Variants in KLF1 observed in about 807,000 individuals in gnomAD.
The protein encoded by KLF1 is KLF transcription factor 1, also known as Krueppel-like factor 1.
In KLF1, 29 loss-of-function variants were observed where a neutral mutation model predicts 28.0. That is an observed-to-expected ratio of 1.04 (90% CI 0.77 to 1.41). The LOEUF (loss-of-function observed/expected upper bound fraction) is 1.41, where lower values mean the gene tolerates loss of function less well. KLF1 is among the 40% of genes most tolerant of loss of function. KLF1 has a pLI of 0.00. For missense variants in KLF1, 508 were observed against 515.1 expected (o/e 0.99, Z 0.13); for synonymous variants, 262 against 242.6 (o/e 1.08, Z -0.74).
rs1356412684 is a variant in KLF1, at chr19:12,885,531, G to C, written c.699C>G (p.Pro233=). The C allele has an allele frequency of 3.8e-6, 6 of 1,584,590 alleles. No individual in the cohort carries two copies. The change falls in exon 2 of 3, where the codon CCC becomes CCG. Residue 233 remains proline (P), a synonymous_variant. Transcript: ENST00000264834. The surrounding 1 kb of genome is among the most constrained non-coding windows in gnomAD (Gnocchi z 5.6). ...QGPAPGPATS[P]SFLSCLGPGT... ...CGGGTCCCAAACAACTCAGGAAGGAGGGGGACGTGGCGGGACCGGGCGCGG... is the reference window on the plus strand; with the variant it reads ...CGGGTCCCAAACAACTCAGGAAGGACGGGGACGTGGCGGGACCGGGCGCGG...
rs916441209 is a variant in KLF1 at position 12,884,493 on chromosome 19, T to A, written c.*392A>T. 2.0e-5 allele frequency: 5 copies of A among 246,024 alleles called. No individual in the cohort carries two copies. Among genetic ancestry groups the A allele is most frequent in the South Asian group, 2.0e-4 (4 of 20,388 alleles). 15.2% of individuals were successfully genotyped at this position (246,024 alleles called of 1,614,324 possible). On this transcript the variant is annotated 3_prime_UTR_variant, in exon 3 of 3. Transcript: ENST00000264834. Reference sequence around the variant, plus strand: ...TAATATCAGCCACAATAAGGGACCTTCAGGAGCCGCTTTCTAGACCCAGGG... The same window carrying A: ...TAATATCAGCCACAATAAGGGACCTACAGGAGCCGCTTTCTAGACCCAGGG...
chr19:12,887,167 C>G lies in KLF1; in HGVS notation c.-27G>C, dbSNP rs746748260. 2 of 1,612,742 alleles carry G rather than the reference C, an allele frequency of 1.2e-6. No individual in the cohort carries two copies. The highest frequency in any genetic ancestry group is 2.2e-5 in the East Asian group (1 of 44,876). Reference sequence around the variant, plus strand: ...GCTGGCTGGTGCCCACCCTGGGCCTCAAGCCTCCTCTTCCTCGGCTGCCTC... The same window carrying G: ...GCTGGCTGGTGCCCACCCTGGGCCTGAAGCCTCCTCTTCCTCGGCTGCCTC... On this transcript the variant is annotated 5_prime_UTR_variant, in exon 1 of 3. Transcript: ENST00000264834. The surrounding 1 kb of genome is among the most constrained non-coding windows in gnomAD (Gnocchi z 4.7).
At chr19:12,886,907 C>G (rs898299891) in intron 1 of KLF1, 147 bp downstream of exon 1, 1 of 818,206 alleles carries the variant, frequency 1.2e-6, no homozygotes, top group African/African-American at 1.7e-5. Context: ...CCAGACTAAG[C>G]TGAGATCTCC....
Position 12,885,604 on chromosome 19 carries a change from G to T in KLF1, c.626C>A (p.Ala209Glu), listed in dbSNP as rs1490633267. 12 of 1,554,660 alleles carry T rather than the reference G, an allele frequency of 7.7e-6. No homozygotes were observed. In the Admixed American group the frequency reaches 1.8e-4, roughly 23 times the overall value. ...LLSGYPAMYP[A>E]PQYQGHFQLF... ...CTGGAAGTGCCCTTGGTACTGAGGC[G>T]CCGGGTACATCGCGGGGTACCCGGA... Residue 209 changes from alanine to glutamate, a missense_variant, in exon 2 of 3, where the codon GCG (alanine) becomes GAG (glutamate). Ala to Glu is a moderately radical substitution (Grantham distance 107). Coordinates refer to ENST00000264834, the MANE Select transcript of KLF1 (RefSeq NM_006563.5). This position sits in a 1 kb window ranked among gnomAD's most constrained non-coding sequence, Gnocchi z 5.6.
Position 12,885,094 on chromosome 19 carries a change from T to C in KLF1, c.914-34A>G. 1 of 1,597,180 alleles carries C rather than the reference T, an allele frequency of 6.3e-7. No homozygotes were observed. Among genetic ancestry groups the C allele is most frequent in the South Asian group, 1.1e-5 (1 of 90,918 alleles). On this transcript the variant is annotated intron_variant, in intron 2 of 2. Transcript: ENST00000264834. The surrounding 1 kb of genome is among the most constrained non-coding windows in gnomAD (Gnocchi z 5.6). ...CAAGGAAGCCATAAGCGCCACTGTC[T>C]GCCCAGTCATGTCCCCGGGTCCCCT...
Position 12,886,286 on chromosome 19 carries a change from C to T in KLF1, c.88-144G>A, listed in dbSNP as rs370675949. On this transcript the variant is annotated intron_variant, in intron 1 of 2. Transcript: ENST00000264834. Reference sequence around the variant, plus strand: ...GTCTGTCCCACTTCCCCAACACTGCCCCTCTAACCGCCCCTCTCCCCGCTC... The same window carrying T: ...GTCTGTCCCACTTCCCCAACACTGCTCCTCTAACCGCCCCTCTCCCCGCTC... 67 of 624,362 alleles carry T rather than the reference C, an allele frequency of 1.1e-4. 2 individuals carry two copies. The highest frequency in any genetic ancestry group is 6.6e-4 in the East Asian group (23 of 34,952). 38.7% of individuals were successfully genotyped at this position (624,362 alleles called of 1,614,324 possible).
chr19:12,887,144 T>G lies in KLF1; in HGVS notation c.-4A>C. 6.2e-7 allele frequency: 1 copy of G among 1,613,986 alleles called. No homozygotes were observed. The highest frequency in any genetic ancestry group is 8.5e-7 in the Non-Finnish European group (1 of 1,179,970). Reference sequence around the variant, plus strand: ...AGGCGGTCTCGGCTGTGGCCATGGCTGGCTGGTGCCCACCCTGGGCCTCAA... The same window carrying G: ...AGGCGGTCTCGGCTGTGGCCATGGCGGGCTGGTGCCCACCCTGGGCCTCAA... On this transcript the variant is annotated 5_prime_UTR_variant, in exon 1 of 3. Coordinates refer to ENST00000264834, the MANE Select transcript of KLF1 (RefSeq NM_006563.5). The surrounding 1 kb of genome is among the most constrained non-coding windows in gnomAD (Gnocchi z 4.7).
In KLF1 at chr19:12,885,274, G is replaced by A. The variant is rs1207723817; in HGVS notation, c.913+43C>T. 2.6e-6 allele frequency: 4 copies of A among 1,512,178 alleles called. No homozygotes were observed. The African/African-American group carries it at 4.1e-5, about 16-fold the overall frequency. 93.7% of individuals were successfully genotyped at this position (1,512,178 alleles called of 1,614,324 possible). A position where few individuals can be genotyped will look rare whatever the true frequency, so the allele number is the denominator to read the frequency against. On this transcript the variant is annotated intron_variant, in intron 2 of 2. Coordinates refer to ENST00000264834, the MANE Select transcript of KLF1 (RefSeq NM_006563.5). This position sits in a 1 kb window ranked among gnomAD's most constrained non-coding sequence, Gnocchi z 5.6. ...ACCCTTCTTCCCCTGTAACTACAGC[G>A]GGCGCCGCGCCCTTTCTCATGTCCG...
intron 1 of KLF1, among the ~76,000 whole-genome samples, chr19:12,886,367 G>C (rs953712568): frequency 1.3e-5 from 2 of 152,088 alleles, no homozygotes; most frequent in African/African-American, 2.4e-5. Flanking sequence ...CAGGAGATAA[G>C]ACTTCCACTA....
At chr19:12,886,307 C>G (rs1293311151) in intron 1 of KLF1, among the ~76,000 whole-genome samples, 165 bp from the exon 2 acceptor site, 1 of 151,706 alleles carries the variant, frequency 6.6e-6, no homozygotes, top group Admixed American at 6.6e-5. Context: ...CCCCTCTCCC[C>G]GCTCCCCCCC....
rs1970430078 is a variant in KLF1, at chr19:12,885,467, G to C, written c.763C>G (p.Pro255Ala). 1 of 1,604,260 alleles carries C rather than the reference G, an allele frequency of 6.2e-7. No individual in the cohort carries two copies. Among genetic ancestry groups the C allele is most frequent in the African/African-American group, 1.3e-5 (1 of 74,728 alleles). Residue 255 changes from proline (P) to alanine (A), a missense_variant, in exon 2 of 3, where the codon CCA (proline) becomes GCA (alanine). By Grantham distance (27) the Pro-to-Ala change is conservative. Coordinates refer to ENST00000264834, the MANE Select transcript of KLF1 (RefSeq NM_006563.5). The surrounding 1 kb of genome is among the most constrained non-coding windows in gnomAD (Gnocchi z 5.6). ...GTGLGGTAED[P>A]GVIAETAPSK... The stretch of plus-strand genomic sequence containing the variant: ...GGCGCGGTCTCGGCTATCACACCTG[G>C]ATCCTCTGCAGTCCCCCCGAGTCCA...
Position 12,884,523 on chromosome 19 carries a change from T to C in KLF1, c.*362A>G, listed in dbSNP as rs554501878. Reference sequence around the variant, plus strand: ...AGCCGCTTTCTAGACCCAGGGTCTCTGGGAAGCCTCATCCCACACCCTCTC... The same window carrying C: ...AGCCGCTTTCTAGACCCAGGGTCTCCGGGAAGCCTCATCCCACACCCTCTC... On this transcript the variant is annotated 3_prime_UTR_variant, in exon 3 of 3. Transcript: ENST00000264834. 3.1e-5 allele frequency: 9 copies of C among 294,388 alleles called. No individual in the cohort carries two copies. The highest frequency in any genetic ancestry group is 1.7e-4 in the African/African-American group (8 of 45,944). 18.2% of individuals were successfully genotyped at this position (294,388 alleles called of 1,614,324 possible).
Position 12,885,750 on chromosome 19 carries a change from C to A in KLF1, c.480G>T (p.Glu160Asp). Residue 160 changes from glutamate (E) to aspartate (D), a missense_variant, in exon 2 of 3, where the codon GAG (glutamate) becomes GAT (aspartate). Transcript: ENST00000264834. This position sits in a 1 kb window ranked among gnomAD's most constrained non-coding sequence, Gnocchi z 5.6. Reference sequence around the variant, plus strand: ...CCGGTTGCAGCGCCAGCGCCTTGGGCTCGGGGGCCGGGGCTGGAGCCAGGG... The same window carrying A: ...CCGGTTGCAGCGCCAGCGCCTTGGGATCGGGGGCCGGGGCTGGAGCCAGGG... ...GPALAPAPAP[E>D]PKALALQPVY... 1 of 1,508,438 alleles carries A rather than the reference C, an allele frequency of 6.6e-7. No homozygotes were observed. Among genetic ancestry groups the A allele is most frequent in the Admixed American group, 2.3e-5 (1 of 44,086 alleles). The allele number at this position is 1,508,438 out of a possible 1,614,324, so 93.4% of individuals were successfully genotyped here. A position where few individuals can be genotyped will look rare whatever the true frequency, so the allele number is the denominator to read the frequency against.
In KLF1 at chr19:12,885,810, C is replaced by A; in HGVS notation, c.420G>T (p.Leu140=). The change falls in exon 2 of 3, where the codon CTG becomes CTT. Residue 140 remains leucine (L), a synonymous_variant. Transcript: ENST00000264834. This position sits in a 1 kb window ranked among gnomAD's most constrained non-coding sequence, Gnocchi z 5.6. ...CGAAGGCGTCGGGAGCCCGGGCTCG[C>A]AGGGCAGGGCGCACCCAACCCGAGT... The part of the protein sequence containing the change: ...EDHSGWVRPA[L]RARAPDAFVG... The A allele has an allele frequency of 1.9e-6, 3 of 1,546,276 alleles. No individual in the cohort carries two copies. Among genetic ancestry groups the A allele is most frequent in the Non-Finnish European group, 2.6e-6 (3 of 1,145,480 alleles).
Position 12,885,976 on chromosome 19 carries a change from G to A in KLF1, c.254C>T (p.Pro85Leu). ...LDLLLTNFSG[P>L]EPGGAPQTCA... Reference sequence around the variant, plus strand: ...GGTCTGGGGCGCGCCACCGGGCTCCGGGCCCGAGAAGTTGGTGAGGAGGAG... The same window carrying A: ...GGTCTGGGGCGCGCCACCGGGCTCCAGGCCCGAGAAGTTGGTGAGGAGGAG... Residue 85 changes from proline (P) to leucine (L), a missense_variant, in exon 2 of 3, where the codon CCG becomes CTG. Coordinates refer to ENST00000264834, the MANE Select transcript of KLF1 (RefSeq NM_006563.5). This position sits in a 1 kb window ranked among gnomAD's most constrained non-coding sequence, Gnocchi z 5.6. 2 of 1,584,494 alleles carry A rather than the reference G, an allele frequency of 1.3e-6. No individual in the cohort carries two copies. Among genetic ancestry groups the A allele is most frequent in the South Asian group, 2.3e-5 (2 of 87,382 alleles).
rs1332296671 is a variant in KLF1 at position 12,885,305 on chromosome 19, C to A, written c.913+12G>T. On this transcript the variant is annotated intron_variant, in intron 2 of 2. Transcript: ENST00000264834. The surrounding 1 kb of genome is among the most constrained non-coding windows in gnomAD (Gnocchi z 5.6). ...CGCGCCCTTTCTCATGTCCGGGGCC[C>A]CGCCCCCTCACCTGTGTGCGTGCGC... 6.4e-7 allele frequency: 1 copy of A among 1,565,750 alleles called. No individual in the cohort carries two copies. Among genetic ancestry groups the A allele is most frequent in the Admixed American group, 1.9e-5 (1 of 53,314 alleles).
chr19:12,885,724 A>G lies in KLF1; in HGVS notation c.506T>C (p.Val169Ala). 1.3e-6 allele frequency: 2 copies of G among 1,514,418 alleles called. No individual in the cohort carries two copies. Among genetic ancestry groups the G allele is most frequent in the South Asian group, 2.5e-5 (2 of 80,272 alleles). The allele number at this position is 1,514,418 out of a possible 1,614,324, so 93.8% of individuals were successfully genotyped here. The change falls in exon 2 of 3, where the codon GTG (valine) becomes GCG (alanine). Residue 169 changes from valine to alanine, a missense_variant. By Grantham distance (64) the Val-to-Ala change is moderately conservative (BLOSUM62 0). Coordinates refer to ENST00000264834, the MANE Select transcript of KLF1 (RefSeq NM_006563.5). This position sits in a 1 kb window ranked among gnomAD's most constrained non-coding sequence, Gnocchi z 5.6. Reference sequence around the variant, plus strand: ...GGAGCCGGCGCCGGGCCCCGGGTACACCGGTTGCAGCGCCAGCGCCTTGGG... The same window carrying G: ...GGAGCCGGCGCCGGGCCCCGGGTACGCCGGTTGCAGCGCCAGCGCCTTGGG... ...PEPKALALQP[V>A]YPGPGAGSSG...
intron 1 of KLF1, among the ~76,000 whole-genome samples, chr19:12,886,528 C>T (rs549782531): frequency 6.6e-5 from 10 of 152,112 alleles, no homozygotes; most frequent in African/African-American, 2.2e-4. Context: ...AGATTAATTC[C>T]GAAATTTTGG....
rs774767880 is a variant in KLF1, at chr19:12,887,160, TG to T, written c.-21del. On this transcript the variant is annotated 5_prime_UTR_variant, in exon 1 of 3. Transcript: ENST00000264834. The surrounding 1 kb of genome is among the most constrained non-coding windows in gnomAD (Gnocchi z 4.7). ...GGCCATGGCTGGCTGGTGCCCACCCTGGGCCTCAAGCCTCCTCTTCCTCGGC... is the reference window on the plus strand; with the variant it reads ...GGCCATGGCTGGCTGGTGCCCACCCTGGCCTCAAGCCTCCTCTTCCTCGGC... The T allele has an allele frequency of 5.0e-5, 80 of 1,613,510 alleles. 1 individual carries two copies. The South Asian group carries it at 8.6e-4, about 17-fold the overall frequency.
Sources: gnomAD v4.1 joint callset for allele counts (sites outside exome capture counted in the v4.1 genomes callset) on GRCh38, gnomAD v4.1.1 for gene constraint, Gnocchi (gnomAD v3.1) non-coding constraint, MANE v1.5 for transcripts, NCBI Gene and HGNC (gene_info 2026-07-23, HGNC 2026-07-21) for gene names.